ICE2: variants seen among roughly 807,000 people sequenced by gnomAD.
ICE2 encodes interactor of little elongation complex ELL subunit 2.
Under a neutral mutation model 105.4 loss-of-function variants are expected in ICE2, and 87 were observed. The observed-to-expected ratio is 0.83, with a 90% CI of 0.69 to 0.99. The LOEUF is 0.99. Among genes scored for constraint, ICE2 ranks in the 50% least tolerant of loss-of-function variants. ICE2 has a pLI of 0.00. For missense variants in ICE2, 1,323 were observed against 1,146.7 expected, an observed-to-expected ratio of 1.15 and a Z score of -2.22; for synonymous variants, 399 against 392.0, an observed-to-expected ratio of 1.02 and a Z score of -0.21.
At chr15:60,448,267 C>A in intron 10 of ICE2, 122 bp from the exon 11 acceptor site, 1 of 632,432 alleles carries the variant, frequency 1.6e-6, no homozygotes, top group Non-Finnish European at 2.6e-6. Flanking sequence ...ACTTCTCTGC[C>A]TAAGGGACCC....
rs1320497188 is a variant in ICE2, at chr15:60,473,087, G to A, written c.146+2976C>T. Among the ~76,000 whole-genome samples the A allele has an allele frequency of 3.9e-5, 6 of 151,982 alleles. No individual in the cohort carries two copies. In the East Asian group the frequency reaches 1.2e-3, roughly 29 times the overall value. ...GTTTCCCAAGCAGCTGGGACCACAT[G>A]TGCATGCCACCACACCAGCTAATTT... On this transcript the variant is annotated intron_variant, in intron 3 of 15. Transcript: ENST00000261520.
rs2064006870 is a variant in ICE2 at position 60,453,193 on chromosome 15, C to T, written c.1125+410G>A. 3 of 976,588 alleles carry T rather than the reference C, an allele frequency of 3.1e-6. No homozygotes were observed. In the African/African-American group the frequency reaches 5.3e-5, roughly 17 times the overall value. The allele number at this position is 976,588 out of a possible 1,614,324, so 60.5% of individuals were successfully genotyped here. A position where few individuals can be genotyped will look rare whatever the true frequency, so the allele number is the denominator to read the frequency against. ...GTTGCAGTGAGCAGAGATCGCACCA[C>T]TGCACTCCAGCCTGGGTGGCAGGGT... On this transcript the variant is annotated intron_variant, in intron 9 of 15. Transcript: ENST00000261520.
chr15:60,475,415 C>T (rs1482258506), intron 3 of ICE2, among the ~76,000 whole-genome samples: 1 of 151,410 alleles, frequency 6.6e-6, no homozygotes, highest in Non-Finnish European at 1.5e-5. Context: ...GTATATCTTA[C>T]AGAAATAACT....
chr15:60,424,538 G>A (rs906706489), intron 15 of ICE2, among the ~76,000 whole-genome samples: 3 of 144,934 alleles, frequency 2.1e-5, no homozygotes, highest in South Asian at 2.2e-4. Flanking sequence ...ACAGAGTCTC[G>A]CTCTGTCACC....
In ICE2 at chr15:60,455,136, C is replaced by CT; in HGVS notation, c.809dup (p.Lys271GlufsTer14). The CT allele has an allele frequency of 6.3e-7, 1 of 1,584,910 alleles. No individual in the cohort carries two copies. Among genetic ancestry groups the CT allele is most frequent in the Non-Finnish European group, 8.5e-7 (1 of 1,170,874 alleles). On this transcript the variant is annotated frameshift_variant, in exon 8 of 16. Transcript: ENST00000261520. LOFTEE classifies it high-confidence loss of function. ...GAGGGTGATATCTGGAAACAAGCTT[C>CT]TCTGCATTTGGATCTTTACTAATAT... is the stretch of plus-strand genomic sequence containing the variant.
At chr15:60,447,015 A>C (rs187998770) in intron 11 of ICE2, among the ~76,000 whole-genome samples, 2 of 151,236 alleles carry the variant, frequency 1.3e-5, no homozygotes, top group Non-Finnish European at 3.0e-5. Context: ...TCATACACAC[A>C]AAAAAATGCA....
chr15:60,435,371 A>AGGAG (rs2063560859), intron 13 of ICE2, among the ~76,000 whole-genome samples: 1 of 151,828 alleles, frequency 6.6e-6, no homozygotes, highest in African/African-American at 2.4e-5. Context: ...AGGCCGAGGC[A>AGGAG]GGAGGATCAC....
rs150104807 is a variant in ICE2 at position 60,469,077 on chromosome 15, T to G, written c.147-755A>C. Among the ~76,000 whole-genome samples the G allele has an allele frequency of 4.9e-4, 74 of 152,286 alleles. No homozygotes were observed. In the East Asian group the frequency reaches 0.011, roughly 23 times the overall value. On this transcript the variant is annotated intron_variant, in intron 3 of 15. Transcript: ENST00000261520. ...GTTAGAATCACAATGGAGTCACCAA[T>G]GTTTAAAAATCCCTTAATATCATGG...
chr15:60,476,922 G>A (rs560473633), intron 2 of ICE2, among the ~76,000 whole-genome samples: 13 of 152,274 alleles, frequency 8.5e-5, no homozygotes, highest in Admixed American at 2.0e-4. Flanking sequence ...CCACAATGCC[G>A]GTGGTATACA....
Position 60,449,235 on chromosome 15 carries a change from A to T in ICE2, c.1732T>A (p.Leu578Ile). Residue 578 changes from leucine to isoleucine, a missense_variant, in exon 10 of 16, where the codon TTA (leucine) becomes ATA (isoleucine). Leu to Ile is a conservative substitution (Grantham distance 5, BLOSUM62 2). Coordinates refer to ENST00000261520, the MANE Select transcript of ICE2 (RefSeq NM_024611.6). ...TTTTTACATTCTGTATCAATGATTA[A>T]ACACTCCTCATCTGTATCACTGCTG... ...LCSSDTDEEC[L>I]IIDTECKNNS... is the part of the protein sequence containing the mutation. 6.2e-7 allele frequency: 1 copy of T among 1,613,922 alleles called. No homozygotes were observed. Among genetic ancestry groups the T allele is most frequent in the Non-Finnish European group, 8.5e-7 (1 of 1,180,000 alleles).
At position 60,448,264 on chromosome 15, in the gene ICE2, T is replaced by C. The variant is rs189815920; in HGVS notation, c.2120-119A>G. The C allele has an allele frequency of 5.4e-4, 351 of 651,702 alleles. 1 individual carries two copies. The African/African-American group carries it at 5.6e-3, about 10-fold the overall frequency. 40.4% of individuals were successfully genotyped at this position (651,702 alleles called of 1,614,324 possible). ...TATCATCTTTAATTTTCTACTTCTCTGCCTAAGGGACCCTCACACTATTAC... is the reference window on the plus strand; with the variant it reads ...TATCATCTTTAATTTTCTACTTCTCCGCCTAAGGGACCCTCACACTATTAC... On this transcript the variant is annotated intron_variant, in intron 10 of 15. Coordinates refer to ENST00000261520, the MANE Select transcript of ICE2 (RefSeq NM_024611.6).
At chr15:60,434,504 A>G (rs1289730466) in intron 13 of ICE2, among the ~76,000 whole-genome samples, 1 of 149,774 alleles carries the variant, frequency 6.7e-6, no homozygotes, top group Admixed American at 6.7e-5. Context: ...CAATGGATGA[A>G]TGAATAAAAT....
At chr15:60,461,058 T>C (rs181633891) in intron 5 of ICE2, among the ~76,000 whole-genome samples, 22 of 150,714 alleles carry the variant, frequency 1.5e-4, no homozygotes, top group African/African-American at 5.1e-4. Flanking sequence ...ATTCCACCAG[T>C]TGTAACAACC....
Position 60,456,568 on chromosome 15 carries a change from T to C in ICE2, c.666+89A>G, listed in dbSNP as rs1313272164. 3 of 74,138 alleles carry C rather than the reference T, an allele frequency of 4.0e-5. 1 individual carries two copies. The highest frequency in any genetic ancestry group is 8.9e-5 in the Non-Finnish European group (3 of 33,660). 4.6% of individuals were successfully genotyped at this position (74,138 alleles called of 1,614,324 possible). A position where few individuals can be genotyped will look rare whatever the true frequency, so the allele number is the denominator to read the frequency against. The stretch of plus-strand genomic sequence containing the variant: ...AAAAAAAAATAAATAAATAAATAAA[T>C]ATATATATATATATATACACACACA... On this transcript the variant is annotated intron_variant, in intron 6 of 15. Coordinates refer to ENST00000261520, the MANE Select transcript of ICE2 (RefSeq NM_024611.6).
chr15:60,442,624 C>G, intron 11 of ICE2, 79 bp from the exon 12 acceptor site: 1 of 1,145,072 alleles, frequency 8.7e-7, no homozygotes, highest in Non-Finnish European at 1.2e-6. Context: ...TACAGCTTTG[C>G]CACTTTCAAA....
At position 60,456,773 on chromosome 15, in the gene ICE2, C is replaced by A; in HGVS notation, c.550G>T (p.Glu184Ter). 1.3e-6 allele frequency: 2 copies of A among 1,503,452 alleles called. No homozygotes were observed. Among genetic ancestry groups the A allele is most frequent in the South Asian group, 1.4e-5 (1 of 72,446 alleles). The allele number at this position is 1,503,452 out of a possible 1,614,324, so 93.1% of individuals were successfully genotyped here. Residue 184 changes from glutamate (E) to a stop codon, truncating the protein, a stop_gained, in exon 6 of 16, where the codon GAA becomes TAA. Transcript: ENST00000261520. LOFTEE classifies it high-confidence loss of function. The part of the protein sequence containing the change: ...FTEKILRACI[E>*]QVKKYSEFYT... ...AATTCTGAATACTTTTTCACTTGTTCAATGCAAGCTCTTAAAATTTTCTGA... is the reference window on the plus strand; with the variant it reads ...AATTCTGAATACTTTTTCACTTGTTAAATGCAAGCTCTTAAAATTTTCTGA...
intron 5 of ICE2, among the ~76,000 whole-genome samples, chr15:60,459,416 C>A (rs996050886): frequency 6.6e-6 from 1 of 152,066 alleles, no homozygotes; most frequent in African/African-American, 2.4e-5. Flanking sequence ...GTATGAAATA[C>A]AATGATCTTA....
rs2064080606 is a variant in ICE2, at chr15:60,455,441, C to A, written c.668G>T (p.Gly223Val). The A allele has an allele frequency of 1.2e-5, 19 of 1,577,324 alleles. No homozygotes were observed. Among genetic ancestry groups the A allele is most frequent in the Non-Finnish European group, 1.6e-5 (19 of 1,157,660 alleles). Residue 223 changes from glycine to valine, a missense_variant and splice_region_variant, in exon 7 of 16, where the codon GGC becomes GTC. Coordinates refer to ENST00000261520, the MANE Select transcript of ICE2 (RefSeq NM_024611.6). ...LKLEKTLLAL[G>V]SVKYVKTVFP... is the part of the protein sequence containing the mutation. Reference sequence around the variant, plus strand: ...TACTGTTTTCACATATTTTACACTGCCCTAAATATGAAAAAAAAATCATTT... The same window carrying A: ...TACTGTTTTCACATATTTTACACTGACCTAAATATGAAAAAAAAATCATTT...
At chr15:60,430,791 A>C (rs997239041) in intron 14 of ICE2, among the ~76,000 whole-genome samples, 1 of 152,264 alleles carries the variant, frequency 6.6e-6, no homozygotes, top group Non-Finnish European at 1.5e-5. Flanking sequence ...AAACATTCAT[A>C]TAACAAAACA....
Sources: allele counts gnomAD v4.1 joint callset (sites outside exome capture counted in the v4.1 genomes callset), GRCh38; gene constraint gnomAD v4.1.1; transcripts MANE v1.5; gene names NCBI Gene and HGNC (gene_info 2026-07-23, HGNC 2026-07-21).